The following LRBA variants were observed in gnomAD, a reference collection of about 807,000 sequenced individuals.
LRBA encodes the protein LPS responsive beige-like anchor protein.
Under a neutral mutation model 330.0 loss-of-function variants are expected in LRBA, and 176 were observed. The ratio of observed to expected loss-of-function variants is 0.53; its 90% confidence interval spans 0.47 to 0.60. The LOEUF (loss-of-function observed/expected upper bound fraction) is 0.60. LRBA is among the 20% of genes least tolerant of loss of function. LRBA has a pLI of 0.00. For synonymous variants in LRBA, 1,230 were observed against 1,193.0 expected, an observed-to-expected ratio of 1.03 and a Z score of -0.64; for missense variants, 3,259 against 3,444.8, an observed-to-expected ratio of 0.95 and a Z score of 1.35.
At chr4:150,991,915 C>T (rs1742135379) in intron 2 of LRBA, among the ~76,000 whole-genome samples, 1 of 152,118 alleles carries the variant, frequency 6.6e-6, no homozygotes, top group Non-Finnish European at 1.5e-5. Flanking sequence ...AAGGTAAATG[C>T]TATAGTAAGT....
intron 30 of LRBA, 25 bp downstream of exon 30, chr4:150,828,155 C>T: frequency 6.2e-7 from 1 of 1,605,280 alleles, no homozygotes; most frequent in Non-Finnish European, 8.5e-7. Flanking sequence ...AGAAACATAC[C>T]AAAACGAAAA....
chr4:150,421,271 TAATATAA>T, intron 46 of LRBA, among the ~76,000 whole-genome samples: 2 of 141,250 alleles, frequency 1.4e-5, no homozygotes, highest in African/African-American at 2.6e-5. Context: ...TTTATATATA[TAATATAA>T]ATATATACTT....
At chr4:150,558,533 T>A (rs1767629690) in intron 40 of LRBA, among the ~76,000 whole-genome samples, 1 of 152,200 alleles carries the variant, frequency 6.6e-6, no homozygotes, top group African/African-American at 2.4e-5. Context: ...CTTATGTATG[T>A]TCTGGCACTA....
chr4:150,772,895 G>C (rs964793029), intron 34 of LRBA, among the ~76,000 whole-genome samples: 1 of 152,058 alleles, frequency 6.6e-6, no homozygotes, highest in Non-Finnish European at 1.5e-5. Flanking sequence ...ATCCAAATGA[G>C]GAATACGTTG....
At chr4:150,727,075 T>TG (rs1582162842) in intron 36 of LRBA, among the ~76,000 whole-genome samples, 1 of 132,912 alleles carries the variant, frequency 7.5e-6, no homozygotes, top group Non-Finnish European at 1.6e-5. Flanking sequence ...TTGTTTTTTT[T>TG]TTTTTTTTTT....
intron 56 of LRBA, among the ~76,000 whole-genome samples, chr4:150,268,404 A>G (rs1745643813): frequency 6.6e-6 from 1 of 152,220 alleles, no homozygotes; most frequent in Non-Finnish European, 1.5e-5. Flanking sequence ...AAATTAAAGA[A>G]TCCAGAACAC....
At chr4:150,824,007 T>C (rs1432532823) in intron 30 of LRBA, among the ~76,000 whole-genome samples, 1 of 152,194 alleles carries the variant, frequency 6.6e-6, no homozygotes, top group Non-Finnish European at 1.5e-5. Flanking sequence ...ACTGAATCTG[T>C]AGATTGCTTT....
At chr4:150,698,775 C>T (rs1306178019) in intron 36 of LRBA, among the ~76,000 whole-genome samples, 1 of 152,102 alleles carries the variant, frequency 6.6e-6, no homozygotes, top group Non-Finnish European at 1.5e-5. Flanking sequence ...GTCCTTTATA[C>T]AGGTAAGAAT....
chr4:150,784,074 C>A (rs1011805355), intron 34 of LRBA, among the ~76,000 whole-genome samples: 2 of 152,156 alleles, frequency 1.3e-5, no homozygotes, highest in East Asian at 3.9e-4. Flanking sequence ...TCACTCTCTG[C>A]CCAAGTTTTA....
chr4:150,609,712 C>G (rs895501907), intron 37 of LRBA, among the ~76,000 whole-genome samples: 2 of 152,052 alleles, frequency 1.3e-5, no homozygotes, highest in East Asian at 3.9e-4. Context: ...ATATTGATCT[C>G]CTCTTCAAAA....
At chr4:150,999,977 T>C (rs780338559) in intron 2 of LRBA, among the ~76,000 whole-genome samples, 2 of 152,222 alleles carry the variant, frequency 1.3e-5, no homozygotes, top group Non-Finnish European at 2.9e-5. Context: ...ATATACACTA[T>C]GTTTTTTTGT....
In LRBA at chr4:150,828,475, C is replaced by T. The variant is rs755507503; in HGVS notation, c.4876G>A (p.Ala1626Thr). 7 of 1,614,094 alleles carry T rather than the reference C, an allele frequency of 4.3e-6. No homozygotes were observed. The highest frequency in any genetic ancestry group is 5.1e-6 in the Non-Finnish European group (6 of 1,179,996). Residue 1626 changes from alanine (A) to threonine (T), a missense_variant, in exon 30 of 57, where the codon GCA becomes ACA. Transcript: ENST00000651943. ...GSHVEVTPHT[A>T]PPGVSAGPDA... ...GGGCCTGCACTGACACCAGGAGGTGCTGTGTGAGGAGTTACTTCCACATGG... is the reference window on the plus strand; with the variant it reads ...GGGCCTGCACTGACACCAGGAGGTGTTGTGTGAGGAGTTACTTCCACATGG...
chr4:150,963,175 C>G (rs1738361637), intron 2 of LRBA, among the ~76,000 whole-genome samples: 1 of 148,142 alleles, frequency 6.8e-6, no homozygotes, highest in South Asian at 2.1e-4. Flanking sequence ...TGCCTCTCCC[C>G]CTCCCCCTCC....
chr4:150,620,766 G>T (rs1776214717), intron 37 of LRBA, among the ~76,000 whole-genome samples: 1 of 152,112 alleles, frequency 6.6e-6, no homozygotes, highest in South Asian at 2.1e-4. Context: ...GAGTACACAA[G>T]GGCACACAGA....
chr4:150,611,891 C>T (rs563051132), intron 37 of LRBA, among the ~76,000 whole-genome samples: 9 of 152,192 alleles, frequency 5.9e-5, no homozygotes, highest in Non-Finnish European at 1.0e-4. Context: ...TTTATTTCTA[C>T]GCGCTCTCTC....
chr4:150,878,410 A>T (rs571825990), intron 17 of LRBA, among the ~76,000 whole-genome samples: 1 of 152,230 alleles, frequency 6.6e-6, no homozygotes, highest in Admixed American at 6.5e-5. Flanking sequence ...TAAAATTAAC[A>T]ATCTAACATC....
At chr4:150,807,196 C>A (rs1365055252) in intron 32 of LRBA, among the ~76,000 whole-genome samples, 2 of 151,844 alleles carry the variant, frequency 1.3e-5, no homozygotes, top group African/African-American at 4.8e-5. Flanking sequence ...CATAAAGAGC[C>A]ACTAGTTATC....
At chr4:150,489,286 A>ACGT (rs1561250534) in intron 41 of LRBA, among the ~76,000 whole-genome samples, 14,194 of 90,170 alleles carry the variant, frequency 0.16, 3,440 homozygotes, top group South Asian at 0.26. Context: ...TATTATATAT[A>ACGT]AGAATATATA....
intron 46 of LRBA, among the ~76,000 whole-genome samples, chr4:150,418,120 C>T (rs1456563582): frequency 1.3e-5 from 2 of 150,996 alleles, no homozygotes; most frequent in East Asian, 2.0e-4. Flanking sequence ...AAACTTTAAT[C>T]GATCTTTCCA....
Sources: allele counts gnomAD v4.1 joint callset (sites outside exome capture counted in the v4.1 genomes callset), GRCh38; gene constraint gnomAD v4.1.1; transcripts MANE v1.5; gene names NCBI Gene and HGNC (gene_info 2026-07-23, HGNC 2026-07-21).